PRKCZ: variants seen among roughly 807,000 people sequenced by gnomAD.
PRKCZ encodes protein kinase C zeta.
A neutral mutation model predicts 79.5 loss-of-function variants in PRKCZ; 33 were observed. The ratio of observed to expected loss-of-function variants is 0.41; its 90% confidence interval spans 0.31 to 0.55. PRKCZ has a LOEUF of 0.55. PRKCZ is among the 20% of genes least tolerant of loss of function. The probability of loss-of-function intolerance (pLI) is 0.19; values close to 1 mark genes in which losing one functional copy is unlikely to be tolerated. For missense variants in PRKCZ, 578 were observed against 813.5 expected (o/e 0.71, Z 3.52); for synonymous variants, 342 against 320.9 (o/e 1.07, Z -0.70).
At chr1:2,180,972 T>C (rs1328888664) in intron 16 of PRKCZ, among the ~76,000 whole-genome samples, 1 of 152,204 alleles carries the variant, frequency 6.6e-6, no homozygotes, top group East Asian at 1.9e-4. Context: ...CCTGGCGTGC[T>C]GTCCCCTTGG....
chr1:2,052,782 T>C (rs972029396), intron 1 of PRKCZ, among the ~76,000 whole-genome samples: 1 of 152,146 alleles, frequency 6.6e-6, no homozygotes, highest in Non-Finnish European at 1.5e-5. Flanking sequence ...CCCTAGAAAC[T>C]CTGTCCCTGG....
At chr1:2,107,845 C>G (rs577259104) in intron 4 of PRKCZ, among the ~76,000 whole-genome samples, 3 of 148,994 alleles carry the variant, frequency 2.0e-5, no homozygotes, top group African/African-American at 7.7e-5. Flanking sequence ...AGGGATTCCC[C>G]CCAGGGCAGT....
intron 9 of PRKCZ, 71 bp from the exon 10 acceptor site, chr1:2,155,924 C>G (rs921247003): frequency 3.7e-6 from 5 of 1,346,674 alleles, no homozygotes; most frequent in Admixed American, 3.4e-5. Context: ...CCTCCCTTGC[C>G]TCCCCCTTGC....
rs1273909611 is a variant in PRKCZ, at chr1:2,172,564, C to T, written c.1285+176C>T. 6.6e-6 allele frequency among the ~76,000 whole-genome samples: 1 copy of T among 152,252 alleles called. No individual in the cohort carries two copies. The highest frequency in any genetic ancestry group is 2.4e-5 in the African/African-American group (1 of 41,474). ...AGCCCCTTATTTGAATTCTGGAAAA[C>T]CTCCCATGTCCACTTGAGCAGCTCC... On this transcript the variant is annotated intron_variant, in intron 13 of 17. Coordinates refer to ENST00000378567, the MANE Select transcript of PRKCZ (RefSeq NM_002744.6). This position sits in a 1 kb window ranked among gnomAD's most constrained non-coding sequence, Gnocchi z 7.8.
rs751961892 is a variant in PRKCZ, at chr1:2,173,977, G to A, written c.1366G>A (p.Asp456Asn). The change falls in exon 14 of 18, where the codon GAC (aspartate) becomes AAC (asparagine). Residue 456 changes from aspartate to asparagine, a missense_variant. Physicochemically the swap from Asp to Asn is conservative, Grantham distance 23. Transcript: ENST00000378567. The surrounding 1 kb of genome is among the most constrained non-coding windows in gnomAD (Gnocchi z 5.7). ...GCGCTCCCCGTTCGACATCATCACC[G>A]ACAACCCGGACATGAACACAGAGGA... ...AGRSPFDIIT[D>N]NPDMNTEDYL... 8 of 1,612,568 alleles carry A rather than the reference G, an allele frequency of 5.0e-6. No homozygotes were observed. The highest frequency in any genetic ancestry group is 2.2e-5 in the South Asian group (2 of 90,712).
rs114183409 is a variant in PRKCZ, at chr1:2,181,562, G to A, written c.1576-3021G>A. ...CCATGGGTCCCGACCTGGAGCCCAC[G>A]TGCCAGCTGCAGAGATGGGCACTGA... On this transcript the variant is annotated intron_variant, in intron 16 of 17. Coordinates refer to ENST00000378567, the MANE Select transcript of PRKCZ (RefSeq NM_002744.6). Among the ~76,000 whole-genome samples the A allele has an allele frequency of 4.6e-3, 705 of 152,336 alleles. 21 individuals are homozygous for A. Among genetic ancestry groups the A allele is most frequent in the Admixed American group, 0.032 (489 of 15,302 alleles).
In PRKCZ at chr1:2,050,803, G is replaced by T. The variant is rs560082670; in HGVS notation, c.71+102G>T. ...CGCGAGAGGGAGAGAGGGAAGGGGC[G>T]GCGAGGTCGCTGCGGGCCCGGGGCT... On this transcript the variant is annotated intron_variant, in intron 1 of 17. Coordinates refer to ENST00000378567, the MANE Select transcript of PRKCZ (RefSeq NM_002744.6). 15 of 787,930 alleles carry T rather than the reference G, an allele frequency of 1.9e-5. No individual in the cohort carries two copies. In the South Asian group the frequency reaches 8.8e-4, roughly 46 times the overall value. The allele number at this position is 787,930 out of a possible 1,614,324, so 48.8% of individuals were successfully genotyped here.
intron 10 of PRKCZ, among the ~76,000 whole-genome samples, chr1:2,159,254 G>A (rs942175669): frequency 9.1e-4 from 138 of 152,370 alleles, no homozygotes; most frequent in African/African-American, 3.2e-3. Context: ...TCGGCAAGGC[G>A]GCCACGCGTC....
intron 4 of PRKCZ, among the ~76,000 whole-genome samples, chr1:2,072,947 C>G (rs751287475): frequency 6.6e-6 from 1 of 152,058 alleles, no homozygotes; most frequent in Non-Finnish European, 1.5e-5. Flanking sequence ...GAGCACCCCG[C>G]GACCCCCCAT....
chr1:2,102,710 T>C (rs1320561343), intron 4 of PRKCZ, among the ~76,000 whole-genome samples: 3 of 152,118 alleles, frequency 2.0e-5, no homozygotes, highest in African/African-American at 7.2e-5. Flanking sequence ...TCCACTTTAT[T>C]TCAACTTTGT....
At position 2,075,990 on chromosome 1, in the gene PRKCZ, C is replaced by T. The variant is rs1662339335; in HGVS notation, c.334+16399C>T. 6.6e-6 allele frequency among the ~76,000 whole-genome samples: 1 copy of T among 152,242 alleles called. No individual in the cohort carries two copies. Among genetic ancestry groups the T allele is most frequent in the Non-Finnish European group, 1.5e-5 (1 of 68,042 alleles). ...CGGGAGGACCATCCATGGGGTCAGG[C>T]ACCAACCTCTGCTGAGGATCCCAAA... On this transcript the variant is annotated intron_variant, in intron 4 of 17. Coordinates refer to ENST00000378567, the MANE Select transcript of PRKCZ (RefSeq NM_002744.6). This position sits in a 1 kb window ranked among gnomAD's most constrained non-coding sequence, Gnocchi z 4.8.
chr1:2,135,412 A>G, intron 5 of PRKCZ, 65 bp downstream of exon 5: 1 of 1,426,916 alleles, frequency 7.0e-7, no homozygotes, highest in Non-Finnish European at 9.6e-7. Flanking sequence ...GCAAAGAGAG[A>G]GGAGGGGAGG....
intron 4 of PRKCZ, among the ~76,000 whole-genome samples, chr1:2,118,069 G>A (rs3128290): frequency 2.7e-4 from 37 of 138,612 alleles, no homozygotes; most frequent in African/African-American, 9.6e-4. Flanking sequence ...CGATCTGGGC[G>A]CACTGCAACC....
intron 4 of PRKCZ, among the ~76,000 whole-genome samples, chr1:2,132,476 C>G (rs1557645061): frequency 6.6e-6 from 1 of 152,146 alleles, no homozygotes. Flanking sequence ...CCGGGGCACT[C>G]CTGGGCCTCG....
At chr1:2,052,222 C>T (rs1402393200) in intron 1 of PRKCZ, among the ~76,000 whole-genome samples, 1 of 152,192 alleles carries the variant, frequency 6.6e-6, no homozygotes, top group Admixed American at 6.5e-5. Context: ...CGTCCAATTC[C>T]TGGGACCAAG....
chr1:2,114,217 G>T (rs1262797571), intron 4 of PRKCZ, among the ~76,000 whole-genome samples: 1 of 149,832 alleles, frequency 6.7e-6, no homozygotes, highest in Non-Finnish European at 1.5e-5. Context: ...CCGGATGCAG[G>T]GCAGGTTCGT....
intron 7 of PRKCZ, among the ~76,000 whole-genome samples, chr1:2,146,528 C>T (rs887820874): frequency 1.3e-5 from 2 of 152,226 alleles, no homozygotes; most frequent in Non-Finnish European, 2.9e-5. Flanking sequence ...GCACACACAG[C>T]GTGGCAGTGG....
At chr1:2,083,965 C>T (rs1664044399) in intron 4 of PRKCZ, among the ~76,000 whole-genome samples, 1 of 152,196 alleles carries the variant, frequency 6.6e-6, no homozygotes, top group African/African-American at 2.4e-5. Flanking sequence ...GGCGCGGTGG[C>T]TCACGCCTGT....
chr1:2,089,004 T>C (rs1162201375), intron 4 of PRKCZ, among the ~76,000 whole-genome samples: 1 of 152,218 alleles, frequency 6.6e-6, no homozygotes, highest in Non-Finnish European at 1.5e-5. Flanking sequence ...ATACTATTAG[T>C]TTTTATAGAA....
Sources: gnomAD v4.1 joint callset for allele counts (sites outside exome capture counted in the v4.1 genomes callset) on GRCh38, gnomAD v4.1.1 for gene constraint, Gnocchi (gnomAD v3.1) non-coding constraint, MANE v1.5 for transcripts, NCBI Gene and HGNC (gene_info 2026-07-23, HGNC 2026-07-21) for gene names.